TMEM196: variants seen among roughly 807,000 people sequenced by gnomAD.
The protein encoded by TMEM196 is transmembrane protein 196.
In TMEM196, 17 loss-of-function variants were observed where a neutral mutation model predicts 20.0. The observed-to-expected ratio is 0.85, with a 90% CI of 0.58 to 1.27. The LOEUF is 1.27. Among genes scored for constraint, TMEM196 ranks in the 50% most tolerant of loss-of-function variants. The pLI is 0.00. For missense variants in TMEM196, 267 were observed against 223.0 expected (o/e 1.20, Z -1.26); for synonymous variants, 113 against 88.9 (o/e 1.27, Z -1.52).
chr7:19,747,919 C>T lies in TMEM196; in HGVS notation c.148-18481G>A, dbSNP rs185854567. ...CCTAAAGGTTATTGGATTCTAGTCT[C>T]CGAAGAAGTACTTTCCTACCACTTG... On this transcript the variant is annotated intron_variant, in intron 1 of 4. Transcript: ENST00000405844. 8.2e-4 allele frequency among the ~76,000 whole-genome samples: 125 copies of T among 152,200 alleles called. No homozygotes were observed. The Middle Eastern group carries it at 0.014, about 17-fold the overall frequency.
chr7:19,724,060 G>A (rs994727974), intron 4 of TMEM196, among the ~76,000 whole-genome samples: 1 of 152,056 alleles, frequency 6.6e-6, no homozygotes, highest in Non-Finnish European at 1.5e-5. Flanking sequence ...TTATAGGCGG[G>A]CTGAGTATTT....
At chr7:19,729,572 G>T in intron 1 of TMEM196, 134 bp from the exon 2 acceptor site, 1 of 759,258 alleles carries the variant, frequency 1.3e-6, no homozygotes, top group Non-Finnish European at 2.1e-6. Context: ...ACCTGGAGAG[G>T]ATAAGATCTC....
intron 1 of TMEM196, among the ~76,000 whole-genome samples, chr7:19,753,038 T>A (rs1257080221): frequency 6.6e-6 from 1 of 152,176 alleles, no homozygotes; most frequent in Non-Finnish European, 1.5e-5. Context: ...AAAGTGCACT[T>A]AAATTATTCT....
At chr7:19,728,551 C>T (rs1784078519) in intron 2 of TMEM196, among the ~76,000 whole-genome samples, 1 of 152,136 alleles carries the variant, frequency 6.6e-6, no homozygotes, top group Non-Finnish European at 1.5e-5. Flanking sequence ...AACTGCAATG[C>T]TTCCCATTCC....
chr7:19,770,777 A>G (rs760237519), intron 1 of TMEM196, among the ~76,000 whole-genome samples: 1 of 152,194 alleles, frequency 6.6e-6, no homozygotes, highest in Admixed American at 6.5e-5. Context: ...TTTTCTGTAC[A>G]TACACATCTA....
chr7:19,721,083 T>G lies in TMEM196; in HGVS notation c.*1045A>C, dbSNP rs142024887. On this transcript the variant is annotated 3_prime_UTR_variant, in exon 5 of 5. Coordinates refer to ENST00000405844, the MANE Select transcript of TMEM196 (RefSeq NM_001363562.2). ...AGTAGTCTATCTGTATACTACACTATTCAGATCACTCATCTTCATAAATAT... is the reference window on the plus strand; with the variant it reads ...AGTAGTCTATCTGTATACTACACTAGTCAGATCACTCATCTTCATAAATAT... The G allele has an allele frequency of 1.7e-3, 256 of 152,048 alleles. No individual in the cohort carries two copies. Among genetic ancestry groups the G allele is most frequent in the African/African-American group, 6.0e-3 (248 of 41,560 alleles). The allele number at this position is 152,048 out of a possible 1,614,324, so 9.4% of individuals were successfully genotyped here. A position where few individuals can be genotyped will look rare whatever the true frequency, so the allele number is the denominator to read the frequency against.
intron 1 of TMEM196, among the ~76,000 whole-genome samples, chr7:19,756,453 A>T (rs1310744909): frequency 6.6e-6 from 1 of 151,946 alleles, no homozygotes; most frequent in Non-Finnish European, 1.5e-5. Flanking sequence ...TGTGGTATAA[A>T]TTATTTCCTC....
At chr7:19,756,353 C>G (rs552308464) in intron 1 of TMEM196, among the ~76,000 whole-genome samples, 2 of 146,296 alleles carry the variant, frequency 1.4e-5, no homozygotes, top group Non-Finnish European at 3.0e-5. Context: ...TGTAGCACAT[C>G]TTTGTTTTTT....
chr7:19,767,807 C>G (rs982811898), intron 1 of TMEM196, among the ~76,000 whole-genome samples: 4 of 152,002 alleles, frequency 2.6e-5, no homozygotes, highest in African/African-American at 9.7e-5. Context: ...TAGAGACACA[C>G]TAGTTTCAAA....
At chr7:19,751,058 A>AT (rs762686612) in intron 1 of TMEM196, among the ~76,000 whole-genome samples, 1 of 152,204 alleles carries the variant, frequency 6.6e-6, no homozygotes, top group Non-Finnish European at 1.5e-5. Context: ...TATTTTATAT[A>AT]TTTCTTGTTA....
At chr7:19,761,426 G>A (rs1006318494) in intron 1 of TMEM196, among the ~76,000 whole-genome samples, 1 of 151,994 alleles carries the variant, frequency 6.6e-6, no homozygotes, top group Non-Finnish European at 1.5e-5. Context: ...ACTGGAAAAG[G>A]GTAATGTACA....
chr7:19,724,221 A>G (rs1783909128), intron 4 of TMEM196, 59 bp downstream of exon 4: 2 of 1,427,160 alleles, frequency 1.4e-6, no homozygotes, highest in Non-Finnish European at 1.9e-6. Context: ...GCTTTCTGGA[A>G]GGGGAAGTGC....
intron 1 of TMEM196, among the ~76,000 whole-genome samples, chr7:19,758,916 A>G (rs1404920046): frequency 1.3e-5 from 2 of 152,200 alleles, no homozygotes; most frequent in East Asian, 3.9e-4. Flanking sequence ...CAGTAGACAA[A>G]GATGAGAATT....
At chr7:19,747,959 C>G (rs770897846) in intron 1 of TMEM196, among the ~76,000 whole-genome samples, 24 of 152,118 alleles carry the variant, frequency 1.6e-4, no homozygotes, top group Non-Finnish European at 2.4e-4. Context: ...CAGTAGCTCC[C>G]AATTAATTAA....
intron 1 of TMEM196, among the ~76,000 whole-genome samples, chr7:19,761,570 T>C (rs913996293): frequency 1.3e-5 from 2 of 152,166 alleles, no homozygotes; most frequent in African/African-American, 4.8e-5. Context: ...TCTTGGTGGC[T>C]TAGCAGACCA....
intron 1 of TMEM196, among the ~76,000 whole-genome samples, chr7:19,733,413 G>T (rs1331681839): frequency 2.6e-5 from 4 of 152,142 alleles, no homozygotes; most frequent in Non-Finnish European, 5.9e-5. Context: ...TTCAAAGAGG[G>T]AAATCTTCTC....
chr7:19,754,711 G>GTGGCGA (rs1303219756), intron 1 of TMEM196, among the ~76,000 whole-genome samples: 7 of 152,090 alleles, frequency 4.6e-5, no homozygotes, highest in Non-Finnish European at 7.4e-5. Context: ...GAACCTCTAG[G>GTGGCGA]TGGCGACTCT....
chr7:19,769,583 T>C (rs1019194993), intron 1 of TMEM196, among the ~76,000 whole-genome samples: 2 of 152,124 alleles, frequency 1.3e-5, no homozygotes, highest in Non-Finnish European at 2.9e-5. Context: ...TAGCTGCTCA[T>C]ATTTACTCAG....
chr7:19,736,371 A>ATG (rs1784405338), intron 1 of TMEM196, among the ~76,000 whole-genome samples: 1 of 42,420 alleles, frequency 2.4e-5, no homozygotes, highest in Non-Finnish European at 4.2e-5. Context: ...ATATATATAT[A>ATG]TATATATATA....
Sources: allele counts gnomAD v4.1 joint callset (sites outside exome capture counted in the v4.1 genomes callset), GRCh38; gene constraint gnomAD v4.1.1; transcripts MANE v1.5; gene names NCBI Gene and HGNC (gene_info 2026-07-23, HGNC 2026-07-21).